The following PLPPR1 variants were observed in gnomAD, a reference collection of about 807,000 sequenced individuals.
PLPPR1 encodes phospholipid phosphatase related 1.
A neutral mutation model predicts 33.1 loss-of-function variants in PLPPR1; 10 were observed. That is an observed-to-expected ratio of 0.30 (90% CI 0.19 to 0.51). The LOEUF (loss-of-function observed/expected upper bound fraction) is 0.51, where lower values mean the gene tolerates loss of function less well. Among genes scored for constraint, PLPPR1 ranks in the 20% least tolerant of loss-of-function variants. PLPPR1 has a pLI of 0.97. For synonymous variants in PLPPR1, 151 were observed against 151.0 expected, an observed-to-expected ratio of 1.00 and a Z score of 0.00; for missense variants, 304 against 408.1, an observed-to-expected ratio of 0.74 and a Z score of 2.20.
At chr9:101,040,542 T>G (rs1373546088) in intron 1 of PLPPR1, among the ~76,000 whole-genome samples, 1 of 152,122 alleles carries the variant, frequency 6.6e-6, no homozygotes, top group Admixed American at 6.6e-5. Flanking sequence ...CAAACATACT[T>G]TCATCTCAGG....
chr9:101,091,918 G>A (rs371437436), intron 1 of PLPPR1, among the ~76,000 whole-genome samples: 28 of 152,144 alleles, frequency 1.8e-4, no homozygotes, highest in South Asian at 1.0e-3. Flanking sequence ...TGGCCTCCCA[G>A]CTTTTGGCTT....
chr9:101,245,167 A>G (rs1469315098), intron 2 of PLPPR1, among the ~76,000 whole-genome samples: 1 of 152,064 alleles, frequency 6.6e-6, no homozygotes. Flanking sequence ...TCCACTTGTT[A>G]TCACTTGCCC....
At chr9:101,102,919 T>C (rs1372452280) in intron 1 of PLPPR1, among the ~76,000 whole-genome samples, 1 of 56,502 alleles carries the variant, frequency 1.8e-5, no homozygotes, top group Non-Finnish European at 3.3e-5. Flanking sequence ...TTTTTTCATG[T>C]GTTTTTTGGC....
At chr9:101,164,053 A>G (rs1244818063) in intron 1 of PLPPR1, among the ~76,000 whole-genome samples, 1 of 152,250 alleles carries the variant, frequency 6.6e-6, no homozygotes, top group Non-Finnish European at 1.5e-5. Flanking sequence ...TGTATCAGAC[A>G]GTAAACTAAC....
At chr9:101,144,422 G>C (rs1287044738) in intron 1 of PLPPR1, among the ~76,000 whole-genome samples, 2 of 152,048 alleles carry the variant, frequency 1.3e-5, no homozygotes, top group African/African-American at 4.8e-5. Context: ...TAATAAAGAA[G>C]TAATTAAGTT....
intron 4 of PLPPR1, among the ~76,000 whole-genome samples, chr9:101,291,960 A>G (rs1343470906): frequency 1.3e-5 from 2 of 152,240 alleles, no homozygotes; most frequent in South Asian, 2.1e-4. Context: ...TGACGAGTTG[A>G]GAGAAGAAGG....
intron 4 of PLPPR1, among the ~76,000 whole-genome samples, chr9:101,288,251 T>C (rs970168542): frequency 1.3e-5 from 2 of 152,252 alleles, no homozygotes; most frequent in African/African-American, 4.8e-5. Context: ...AGACACCACA[T>C]TGGAGAGAGG....
intron 1 of PLPPR1, among the ~76,000 whole-genome samples, chr9:101,143,090 C>G (rs1831475009): frequency 1.3e-5 from 2 of 151,978 alleles, no homozygotes; most frequent in African/African-American, 4.8e-5. Context: ...TCCTCGTCAT[C>G]TCTTATTTGG....
intron 2 of PLPPR1, among the ~76,000 whole-genome samples, chr9:101,189,576 A>G (rs1382682309): frequency 6.6e-6 from 1 of 152,078 alleles, no homozygotes; most frequent in African/African-American, 2.4e-5. Context: ...TTTCAATATA[A>G]TATGTCTAAG....
chr9:101,293,264 A>G (rs1227652700), intron 4 of PLPPR1, among the ~76,000 whole-genome samples: 1 of 151,642 alleles, frequency 6.6e-6, no homozygotes, highest in African/African-American at 2.4e-5. Context: ...TATCCTAAAT[A>G]TATATGCACC....
At chr9:101,224,252 A>G (rs376945852) in intron 2 of PLPPR1, among the ~76,000 whole-genome samples, 2 of 152,192 alleles carry the variant, frequency 1.3e-5, no homozygotes, top group East Asian at 1.9e-4. Context: ...ATGATTACAC[A>G]CTAACAATGA....
intron 2 of PLPPR1, among the ~76,000 whole-genome samples, chr9:101,208,770 T>C (rs1414549018): frequency 6.6e-6 from 1 of 152,156 alleles, no homozygotes; most frequent in Non-Finnish European, 1.5e-5. Context: ...CCACAAAAAT[T>C]CTAATTCATT....
At chr9:101,257,264 C>T (rs1370137288) in intron 2 of PLPPR1, among the ~76,000 whole-genome samples, 3 of 152,104 alleles carry the variant, frequency 2.0e-5, no homozygotes, top group Non-Finnish European at 4.4e-5. Context: ...GCACTTATTA[C>T]TATCTTGTAT....
chr9:101,119,683 T>C (rs889996266), intron 1 of PLPPR1, among the ~76,000 whole-genome samples: 10 of 152,202 alleles, frequency 6.6e-5, no homozygotes, highest in African/African-American at 2.4e-4. Context: ...ATAACAATAA[T>C]ACTTCTGCCT....
chr9:101,132,268 C>T (rs146587402), intron 1 of PLPPR1, among the ~76,000 whole-genome samples: 25 of 152,098 alleles, frequency 1.6e-4, no homozygotes, highest in South Asian at 1.5e-3. Flanking sequence ...TGTATGCCTA[C>T]GATACTTGAG....
At chr9:101,193,912 T>C (rs913835848) in intron 2 of PLPPR1, among the ~76,000 whole-genome samples, 1 of 152,212 alleles carries the variant, frequency 6.6e-6, no homozygotes, top group Non-Finnish European at 1.5e-5. Flanking sequence ...GTCAACTTTC[T>C]CCACTGGATA....
At chr9:101,046,612 TTG>T (rs1377203343) in intron 1 of PLPPR1, among the ~76,000 whole-genome samples, 1 of 151,802 alleles carries the variant, frequency 6.6e-6, no homozygotes, top group African/African-American at 2.4e-5. Context: ...GCTAATTTTT[TTG>T]TGTGTTTTTA....
Position 101,115,523 on chromosome 9 carries a change from C to T in PLPPR1, c.-45-69927C>T, listed in dbSNP as rs542334637. On this transcript the variant is annotated intron_variant, in intron 1 of 7. Coordinates refer to ENST00000374874, the MANE Select transcript of PLPPR1 (RefSeq NM_207299.2). ...AGATTGAAAGATGTGTCTTTTCTTC[C>T]CTTAGGGAATATAAGAGAGGACAAA... is the stretch of plus-strand genomic sequence containing the variant. 3.9e-5 allele frequency among the ~76,000 whole-genome samples: 6 copies of T among 152,156 alleles called. No individual in the cohort carries two copies. The East Asian group carries it at 1.2e-3, about 29-fold the overall frequency.
At position 101,199,179 on chromosome 9, in the gene PLPPR1, G is replaced by A. The variant is rs185323556; in HGVS notation, c.63+13622G>A. Among the ~76,000 whole-genome samples, 164 of 152,278 alleles carry A rather than the reference G, an allele frequency of 1.1e-3. 1 individual carries two copies. Among genetic ancestry groups the A allele is most frequent in the South Asian group, 1.2e-3 (6 of 4,822 alleles). ...TGCCCACTTTCCGTAATACATAGTA[G>A]ACAGATAAAAATGTGAAAGGAACTC... On this transcript the variant is annotated intron_variant, in intron 2 of 7. Coordinates refer to ENST00000374874, the MANE Select transcript of PLPPR1 (RefSeq NM_207299.2).
Sources: allele counts gnomAD v4.1 joint callset (sites outside exome capture counted in the v4.1 genomes callset), GRCh38; gene constraint gnomAD v4.1.1; transcripts MANE v1.5; gene names NCBI Gene and HGNC (gene_info 2026-07-23, HGNC 2026-07-21).